The following PCDHGA11 variants were observed in gnomAD, a reference collection of about 807,000 sequenced individuals.
PCDHGA11 encodes the protein protocadherin gamma-A11.
Under a neutral mutation model 60.4 loss-of-function variants are expected in PCDHGA11, and 39 were observed. The observed-to-expected ratio is 0.65, with a 90% CI of 0.50 to 0.84. The LOEUF (loss-of-function observed/expected upper bound fraction) is 0.84. Among genes scored for constraint, PCDHGA11 ranks in the 40% least tolerant of loss-of-function variants. The pLI, the probability that PCDHGA11 is intolerant of heterozygous loss-of-function variation, is 0.00. For missense variants in PCDHGA11, 1,165 were observed against 1,197.7 expected, an observed-to-expected ratio of 0.97 and a Z score of 0.40; for synonymous variants, 533 against 510.3, an observed-to-expected ratio of 1.04 and a Z score of -0.60.
intron 1 of PCDHGA11, among the ~76,000 whole-genome samples, chr5:141,454,195 T>C (rs1295815862): frequency 6.6e-6 from 1 of 152,136 alleles, no homozygotes; most frequent in Admixed American, 6.6e-5. Context: ...TTAGTGAAGG[T>C]GAATTTATTG....
chr5:141,477,697 T>G lies in PCDHGA11; in HGVS notation c.2434-17110T>G, dbSNP rs745625196. ...TGTCATCCTTAGTGCCCCTAGACTA[T>G]GAGGATCGGCGGGAATTTGAATTAA... On this transcript the variant is annotated intron_variant, in intron 1 of 3. Coordinates refer to ENST00000398587, the MANE Select transcript of PCDHGA11 (RefSeq NM_018914.3). The surrounding 1 kb of genome is among the most constrained non-coding windows in gnomAD (Gnocchi z 4.9). 6.2e-7 allele frequency: 1 copy of G among 1,614,160 alleles called. No homozygotes were observed. Among genetic ancestry groups the G allele is most frequent in the South Asian group, 1.1e-5 (1 of 91,090 alleles).
rs1193417991 is a variant in PCDHGA11 at position 141,491,413 on chromosome 5, G to T, written c.2434-3394G>T. The T allele has an allele frequency of 6.2e-7, 1 of 1,614,064 alleles. No individual in the cohort carries two copies. Among genetic ancestry groups the T allele is most frequent in the South Asian group, 1.1e-5 (1 of 91,074 alleles). ...CCTTCAGGGAAACGCAGACGGGGAC[G>T]GGGGTGGAGGGCAGTGCTGCAGGCG... On this transcript the variant is annotated intron_variant, in intron 1 of 3. Transcript: ENST00000398587. This position sits in a 1 kb window ranked among gnomAD's most constrained non-coding sequence, Gnocchi z 6.9.
Position 141,511,508 on chromosome 5 carries a change from C to T in PCDHGA11, c.*335C>T, listed in dbSNP as rs1339517659. 7.8e-6 allele frequency: 3 copies of T among 385,970 alleles called. No individual in the cohort carries two copies. Among genetic ancestry groups the T allele is most frequent in the Non-Finnish European group, 1.5e-5 (3 of 206,164 alleles). The allele number at this position is 385,970 out of a possible 1,614,324, so 23.9% of individuals were successfully genotyped here. Reference sequence around the variant, plus strand: ...TCCTCCATCTTCCAAATCAATCAGGCCCATCCATCCCATGCCTCCCTCCTC... The same window carrying T: ...TCCTCCATCTTCCAAATCAATCAGGTCCATCCATCCCATGCCTCCCTCCTC... On this transcript the variant is annotated 3_prime_UTR_variant, in exon 4 of 4. Coordinates refer to ENST00000398587, the MANE Select transcript of PCDHGA11 (RefSeq NM_018914.3).
At position 141,421,283 on chromosome 5, in the gene PCDHGA11, T is replaced by G. The variant is rs2096560959; in HGVS notation, c.56T>G (p.Ile19Ser). 4 of 1,612,952 alleles carry G rather than the reference T, an allele frequency of 2.5e-6. No individual in the cohort carries two copies. The highest frequency in any genetic ancestry group is 3.4e-6 in the Non-Finnish European group (4 of 1,179,634). ...AGTCGGCTGCTGCTGCTGCTGTGCA[T>G]TTTCCTGGGGACGCTGCGGGGGTTC... Reference protein sequence around the residue: ...DRSRLLLLLCIFLGTLRGFRA... With the variant: ...DRSRLLLLLCSFLGTLRGFRA... Residue 19 changes from isoleucine (I) to serine (S), a missense_variant, in exon 1 of 4, where the codon ATT (isoleucine) becomes AGT (serine). Ile to Ser is a moderately radical substitution (Grantham distance 142). Transcript: ENST00000398587.
intron 1 of PCDHGA11, among the ~76,000 whole-genome samples, chr5:141,469,599 A>G (rs2099206392): frequency 6.6e-6 from 1 of 152,192 alleles, no homozygotes; most frequent in Non-Finnish European, 1.5e-5. Flanking sequence ...ATAAAACAAA[A>G]TAAGTAAAAT....
In PCDHGA11 at chr5:141,477,085, G is replaced by A. The variant is rs1420972762; in HGVS notation, c.2434-17722G>A. On this transcript the variant is annotated intron_variant, in intron 1 of 3. Coordinates refer to ENST00000398587, the MANE Select transcript of PCDHGA11 (RefSeq NM_018914.3). This position sits in a 1 kb window ranked among gnomAD's most constrained non-coding sequence, Gnocchi z 4.9. ...CCAAACTCCATGAGATTTACATCCAGGCCAAAGACAAGGGCGCCAATCCCG... is the reference window on the plus strand; with the variant it reads ...CCAAACTCCATGAGATTTACATCCAAGCCAAAGACAAGGGCGCCAATCCCG... 1 of 1,614,262 alleles carries A rather than the reference G, an allele frequency of 6.2e-7. No individual in the cohort carries two copies. The highest frequency in any genetic ancestry group is 1.7e-5 in the Admixed American group (1 of 60,034).
chr5:141,431,460 A>C lies in PCDHGA11; in HGVS notation c.2433+7800A>C, dbSNP rs761879594. On this transcript the variant is annotated intron_variant, in intron 1 of 3. Coordinates refer to ENST00000398587, the MANE Select transcript of PCDHGA11 (RefSeq NM_018914.3). This position sits in a 1 kb window ranked among gnomAD's most constrained non-coding sequence, Gnocchi z 4.8. ...GCGCGCATCCGCGTGATGGTTCTGGATGCGAACGACAACGCACCAGCGTTT... is the reference window on the plus strand; with the variant it reads ...GCGCGCATCCGCGTGATGGTTCTGGCTGCGAACGACAACGCACCAGCGTTT... 8.1e-6 allele frequency: 13 copies of C among 1,613,676 alleles called. No individual in the cohort carries two copies. The highest frequency in any genetic ancestry group is 1.1e-5 in the Non-Finnish European group (13 of 1,179,984).
chr5:141,496,164 C>A (rs745320704), intron 2 of PCDHGA11, among the ~76,000 whole-genome samples: 1 of 152,084 alleles, frequency 6.6e-6, no homozygotes, highest in East Asian at 1.9e-4. Flanking sequence ...CCACCAGACA[C>A]CCTCCCATCC....
At chr5:141,427,266 G>A (rs753905641) in intron 1 of PCDHGA11, 15 of 456,620 alleles carry the variant, frequency 3.3e-5, no homozygotes, top group Non-Finnish European at 5.7e-5. Context: ...CATGACCAGC[G>A]AATGTAAAAT....
chr5:141,427,428 T>C (rs1489623330), intron 1 of PCDHGA11: 3 of 470,472 alleles, frequency 6.4e-6, no homozygotes, highest in Admixed American at 4.7e-5. Context: ...GGAGGTTACA[T>C]GCCTCATAAA....
chr5:141,427,854 TGC>T (rs2097079964), intron 1 of PCDHGA11: 1 of 1,553,594 alleles, frequency 6.4e-7, no homozygotes, highest in Non-Finnish European at 8.8e-7. Context: ...CGAGCAGCTG[TGC>T]GCCTTCGAGC....
chr5:141,506,688 T>G (rs114532236), intron 3 of PCDHGA11, among the ~76,000 whole-genome samples: 2,113 of 152,334 alleles, frequency 0.014, 37 homozygotes, highest in African/African-American at 0.048. Flanking sequence ...TTATCTTTGC[T>G]GACCCAAACC....
Position 141,456,055 on chromosome 5 carries a change from G to A in PCDHGA11, c.2433+32395G>A, listed in dbSNP as rs78682041. On this transcript the variant is annotated intron_variant, in intron 1 of 3. Coordinates refer to ENST00000398587, the MANE Select transcript of PCDHGA11 (RefSeq NM_018914.3). Reference sequence around the variant, plus strand: ...TGGGACTACAGGCGCCCACCACCACGTCCGGCTAATTTTTTGTATTTTCAG... The same window carrying A: ...TGGGACTACAGGCGCCCACCACCACATCCGGCTAATTTTTTGTATTTTCAG... Among the ~76,000 whole-genome samples, 302 of 151,836 alleles carry A rather than the reference G, an allele frequency of 2.0e-3. 1 individual carries two copies. The highest frequency in any genetic ancestry group is 0.01 in the Middle Eastern group (3 of 292).
chr5:141,430,255 T>TC (rs11167746), intron 1 of PCDHGA11, among the ~76,000 whole-genome samples: 81,857 of 151,872 alleles, frequency 0.54, 24,107 homozygotes, highest in African/African-American at 0.79. Flanking sequence ...GGGAGACATC[T>TC]CCATAATAGG....
At chr5:141,464,413 A>G (rs2099083422) in intron 1 of PCDHGA11, among the ~76,000 whole-genome samples, 1 of 151,632 alleles carries the variant, frequency 6.6e-6, no homozygotes, top group African/African-American at 2.4e-5. Context: ...ATATATATAT[A>G]TCTATATATA....
At chr5:141,468,346 A>AG (rs2099164784) in intron 1 of PCDHGA11, 33 of 147,324 alleles carry the variant, frequency 2.2e-4, no homozygotes, top group Middle Eastern at 6.9e-3. Flanking sequence ...AAAAAAAAAA[A>AG]AAAGAAAGAA....
At chr5:141,453,311 A>C (rs2098762053) in intron 1 of PCDHGA11, among the ~76,000 whole-genome samples, 1 of 151,602 alleles carries the variant, frequency 6.6e-6, no homozygotes, top group African/African-American at 2.4e-5. Flanking sequence ...TTATTTATTT[A>C]TTTTAGAGAT....
intron 1 of PCDHGA11, chr5:141,478,633 T>C: frequency 6.4e-7 from 1 of 1,553,032 alleles, no homozygotes; most frequent in Non-Finnish European, 8.7e-7. Context: ...GTTTTTTTAG[T>C]GATGAAGATG....
intron 1 of PCDHGA11, chr5:141,440,945 A>T (rs1210278728): frequency 2.6e-5 from 4 of 152,234 alleles, no homozygotes; most frequent in African/African-American, 9.7e-5. Flanking sequence ...CCAGGACTAG[A>T]GTGTCAAGGC....
Sources: gnomAD v4.1 joint callset for allele counts (sites outside exome capture counted in the v4.1 genomes callset) on GRCh38, gnomAD v4.1.1 for gene constraint, Gnocchi (gnomAD v3.1) non-coding constraint, MANE v1.5 for transcripts, NCBI Gene and HGNC (gene_info 2026-07-23, HGNC 2026-07-21) for gene names.